The following HORMAD1 variants were observed in gnomAD, a reference collection of about 807,000 sequenced individuals.
HORMAD1 encodes HORMA domain containing 1, also known as HORMA domain-containing protein 1.
A neutral mutation model predicts 58.2 loss-of-function variants in HORMAD1; 33 were observed. That is an observed-to-expected ratio of 0.57 (90% CI 0.43 to 0.76). The LOEUF (loss-of-function observed/expected upper bound fraction) is 0.76. Among genes scored for constraint, HORMAD1 ranks in the 30% least tolerant of loss-of-function variants. HORMAD1 has a pLI of 0.00. For synonymous variants in HORMAD1, 137 were observed against 144.6 expected (o/e 0.95, Z 0.38); for missense variants, 363 against 462.0 (o/e 0.79, Z 1.96).
At chr1:150,702,727 C>T (rs917956762) in intron 13 of HORMAD1, among the ~76,000 whole-genome samples, 2 of 152,180 alleles carry the variant, frequency 1.3e-5, no homozygotes, top group Admixed American at 1.3e-4. Flanking sequence ...GGGAACAATA[C>T]ACACTGGGGC....
chr1:150,718,861 G>A (rs1286291435), intron 2 of HORMAD1, among the ~76,000 whole-genome samples: 1 of 152,106 alleles, frequency 6.6e-6, no homozygotes, highest in Non-Finnish European at 1.5e-5. Flanking sequence ...GGACTGCTAT[G>A]AACAATAATT....
rs587658587 is a variant in HORMAD1, at chr1:150,706,602, T to C, written c.755A>G (p.Lys252Arg). ...SPKQIKTPFQ[K>R]ILRDKDVEDE... ...TTCTACATCTTTGTCCCTCAGGATTTTTTGAAATGGTGTTTTTATTTGTTT... is the reference window on the plus strand; with the variant it reads ...TTCTACATCTTTGTCCCTCAGGATTCTTTGAAATGGTGTTTTTATTTGTTT... The change falls in exon 10 of 15, where the codon AAA (lysine) becomes AGA (arginine). Residue 252 changes from lysine to arginine, a missense_variant. This residue lies in a region of HORMAD1 where 226 missense variants were observed against 257.8 expected (regional missense o/e 0.88). Coordinates refer to ENST00000361824, the MANE Select transcript of HORMAD1 (RefSeq NM_032132.5). 6.2e-7 allele frequency: 1 copy of C among 1,612,828 alleles called. No individual in the cohort carries two copies. The highest frequency in any genetic ancestry group is 1.7e-5 in the Admixed American group (1 of 59,986).
intron 2 of HORMAD1, among the ~76,000 whole-genome samples, chr1:150,718,681 GT>G: frequency 6.6e-6 from 1 of 152,200 alleles, no homozygotes; most frequent in East Asian, 1.9e-4. Context: ...CTGGAGTGCA[GT>G]GGTGTGATCT....
intron 3 of HORMAD1, among the ~76,000 whole-genome samples, chr1:150,716,061 A>G (rs1400984300): frequency 6.6e-6 from 1 of 151,546 alleles, no homozygotes; most frequent in Non-Finnish European, 1.5e-5. Context: ...AACATTATTC[A>G]GCAACAAAAA....
In HORMAD1 at chr1:150,704,202, A is replaced by G; in HGVS notation, c.872-8T>C. 6.5e-7 allele frequency: 1 copy of G among 1,526,916 alleles called. No individual in the cohort carries two copies. Among genetic ancestry groups the G allele is most frequent in the Non-Finnish European group, 8.9e-7 (1 of 1,128,094 alleles). 94.6% of individuals were successfully genotyped at this position (1,526,916 alleles called of 1,614,324 possible). A position where few individuals can be genotyped will look rare whatever the true frequency, so the allele number is the denominator to read the frequency against. ...CACAAACTAAACTTGGTTCTGTAAA[A>G]AAAAAAAAAAAAAGTTACCCGGGTA... On this transcript the variant is annotated splice_polypyrimidine_tract_variant and splice_region_variant and intron_variant, in intron 11 of 14. Transcript: ENST00000361824.
chr1:150,706,831 CT>C, intron 9 of HORMAD1, 22 bp from the exon 10 acceptor site: 1 of 1,557,046 alleles, frequency 6.4e-7, no homozygotes, highest in Non-Finnish European at 8.7e-7. Flanking sequence ...TAAGTGTAAA[CT>C]GTGCTGTTCA....
chr1:150,703,396 A>G lies in HORMAD1; in HGVS notation c.949-3T>C. 2.0e-6 allele frequency: 3 copies of G among 1,486,130 alleles called. No individual in the cohort carries two copies. The highest frequency in any genetic ancestry group is 4.6e-5 in the East Asian group (2 of 43,098). The allele number at this position is 1,486,130 out of a possible 1,614,324, so 92.1% of individuals were successfully genotyped here. A position where few individuals can be genotyped will look rare whatever the true frequency, so the allele number is the denominator to read the frequency against. ...GTTTTATTGACTAACTGCTCAACCT[A>G]AAAAAGAAAATAATTACAAAAAATA... On this transcript the variant is annotated splice_region_variant and splice_polypyrimidine_tract_variant and intron_variant, in intron 12 of 14. Coordinates refer to ENST00000361824, the MANE Select transcript of HORMAD1 (RefSeq NM_032132.5).
At chr1:150,704,021 A>C in intron 12 of HORMAD1, 97 bp downstream of exon 12, 1 of 739,298 alleles carries the variant, frequency 1.4e-6, no homozygotes, top group East Asian at 3.0e-5. Flanking sequence ...TTATTCTAAA[A>C]GACCTGGAAT....
intron 13 of HORMAD1, among the ~76,000 whole-genome samples, chr1:150,702,981 T>C (rs1236042226): frequency 2.6e-5 from 4 of 152,170 alleles, no homozygotes; most frequent in South Asian, 4.1e-4. Flanking sequence ...GTCTGGATGA[T>C]AGTATCACTT....
intron 6 of HORMAD1, 46 bp downstream of exon 6, chr1:150,711,787 A>G (rs758604265): frequency 1.4e-6 from 2 of 1,397,080 alleles, no homozygotes; most frequent in South Asian, 2.4e-5. Context: ...AGCAAGGCCA[A>G]ATTTGGCAGT....
intron 2 of HORMAD1, 96 bp downstream of exon 2, chr1:150,719,361 TATCATAAAACCCTCAA>T: frequency 1.5e-6 from 1 of 684,022 alleles, no homozygotes; most frequent in Non-Finnish European, 2.6e-6. Flanking sequence ...AGTTTCCTGG[TATCATAAAACCCTCAA>T]ATAGTTGAGC....
intron 13 of HORMAD1, among the ~76,000 whole-genome samples, chr1:150,700,700 T>A (rs1293969116): frequency 1.3e-5 from 2 of 152,198 alleles, no homozygotes; most frequent in African/African-American, 4.8e-5. Context: ...GACTTTCAAA[T>A]GAAAGGAATA....
intron 14 of HORMAD1, among the ~76,000 whole-genome samples, chr1:150,699,834 T>C (rs1010893781): frequency 7.9e-5 from 12 of 151,966 alleles, no homozygotes; most frequent in African/African-American, 2.9e-4. Context: ...ACCCAGCTGA[T>C]TTTTAATTTA....
In HORMAD1 at chr1:150,706,681, CTT is replaced by C; in HGVS notation, c.674_675del (p.Lys225SerfsTer4). The C allele has an allele frequency of 1.2e-6, 2 of 1,613,660 alleles. No homozygotes were observed. Among genetic ancestry groups the C allele is most frequent in the Non-Finnish European group, 1.7e-6 (2 of 1,179,828 alleles). ...TCCATTCGTTCTCTCTCAGTGGTCA[CTT>C]TTACTTTGAAGATGTGAAAAGGTGT... is the stretch of plus-strand genomic sequence containing the variant. ...VSTPFHIFKVKVTTERERMEN... is the reference protein window; with the variant it reads ...VSTPFHIFKVXVTTERERMEN... On this transcript the variant is annotated frameshift_variant, in exon 10 of 15. Transcript: ENST00000361824. LOFTEE classifies it high-confidence loss of function.
chr1:150,703,472 A>C, intron 12 of HORMAD1, 79 bp from the exon 13 acceptor site: 1 of 737,054 alleles, frequency 1.4e-6, no homozygotes, highest in Non-Finnish European at 2.2e-6. Context: ...GGGTCCAAAA[A>C]TTTAACCACA....
intron 7 of HORMAD1, among the ~76,000 whole-genome samples, chr1:150,709,931 C>T (rs1174463675): frequency 6.6e-6 from 1 of 152,152 alleles, no homozygotes; most frequent in Non-Finnish European, 1.5e-5. Context: ...TTAATTATGA[C>T]ATAGATTCTA....
intron 7 of HORMAD1, among the ~76,000 whole-genome samples, chr1:150,709,300 T>C (rs907458114): frequency 6.6e-6 from 1 of 152,212 alleles, no homozygotes; most frequent in Admixed American, 6.5e-5. Flanking sequence ...TGCTGAGATG[T>C]TGTTAATTTG....
Position 150,708,412 on chromosome 1 carries a change from A to C in HORMAD1, c.396-5T>G. The C allele has an allele frequency of 6.4e-7, 1 of 1,567,678 alleles. No homozygotes were observed. Among genetic ancestry groups the C allele is most frequent in the African/African-American group, 1.4e-5 (1 of 73,066 alleles). On this transcript the variant is annotated splice_polypyrimidine_tract_variant and splice_region_variant and intron_variant, in intron 8 of 14. Coordinates refer to ENST00000361824, the MANE Select transcript of HORMAD1 (RefSeq NM_032132.5). ...GATTCGTTGCTTTGGTTTTTACTAG[A>C]AGAGAATCACATATTAATTTATTTT...
chr1:150,720,014 A>G (rs1164395903), intron 1 of HORMAD1, among the ~76,000 whole-genome samples: 1 of 151,710 alleles, frequency 6.6e-6, no homozygotes, highest in East Asian at 1.9e-4. Flanking sequence ...CCCGGGTTCA[A>G]GCGATTCTCC....
Sources: gnomAD v4.1 joint callset for allele counts (sites outside exome capture counted in the v4.1 genomes callset) on GRCh38, gnomAD v4.1.1 for gene constraint, gnomAD v4.1.1 regional missense constraint, MANE v1.5 for transcripts, NCBI Gene and HGNC (gene_info 2026-07-23, HGNC 2026-07-21) for gene names.